Variants in CTCF observed in about 807,000 individuals in gnomAD.
The protein encoded by CTCF is CCCTC-binding factor, also known as transcriptional repressor CTCF.
A neutral mutation model predicts 72.3 loss-of-function variants in CTCF; 7 were observed. That is an observed-to-expected ratio of 0.10 (90% confidence interval 0.06 to 0.18). The LOEUF is 0.18. Among genes scored for constraint, CTCF ranks in the 10% least tolerant of loss-of-function variants. The pLI is 1.00. For synonymous variants in CTCF, 374 were observed against 315.8 expected, an observed-to-expected ratio of 1.18 and a Z score of -1.95; for missense variants, 516 against 949.1, an observed-to-expected ratio of 0.54 and a Z score of 6.00.
chr16:67,629,466 A>AACGAAGAAG lies in CTCF; in HGVS notation c.1772_1780dup (p.Thr591_Lys593dup). ...GCGTAGAGGGGGAAAATGGAGGAGA[A>AACGAAGAAG]ACGAAGAAGAGTAAACGTGGAAGAA... On this transcript the variant is annotated inframe_insertion, in exon 10 of 12. Transcript: ENST00000264010. The AACGAAGAAG allele has an allele frequency of 6.2e-7, 1 of 1,613,554 alleles. No homozygotes were observed. Among genetic ancestry groups the AACGAAGAAG allele is most frequent in the Non-Finnish European group, 8.5e-7 (1 of 1,179,814 alleles).
At chr16:67,611,718 C>A in intron 3 of CTCF, 105 bp downstream of exon 3, 1 of 1,162,586 alleles carries the variant, frequency 8.6e-7, no homozygotes, top group Admixed American at 2.6e-5. Flanking sequence ...TGTAAAAGGT[C>A]GTTATGTGGG....
Position 67,611,294 on chromosome 16 carries a change from A to T in CTCF, c.462A>T (p.Ile154=). ...GCCTTGCGGAAAGTGAACCCATGAT[A>T]TGCCACACCCTACCTTTGCCTGAAG... ...KEGLAESEPM[I]CHTLPLPEGF... The change falls in exon 3 of 12, where the codon ATA becomes ATT. Residue 154 remains isoleucine (I), a synonymous_variant. Coordinates refer to ENST00000264010, the MANE Select transcript of CTCF (RefSeq NM_006565.4). 1 of 1,614,150 alleles carries T rather than the reference A, an allele frequency of 6.2e-7. No homozygotes were observed.
chr16:67,562,906 GC>G (rs1325505246), intron 1 of CTCF, among the ~76,000 whole-genome samples, 182 bp downstream of exon 1: 9 of 60,434 alleles, frequency 1.5e-4, no homozygotes, highest in East Asian at 9.0e-4. Flanking sequence ...TGGCCCGGCC[GC>G]CCCCCCCACC....
chr16:67,609,934 T>G (rs2142820279), intron 2 of CTCF, among the ~76,000 whole-genome samples: 1 of 152,224 alleles, frequency 6.6e-6, no homozygotes, highest in East Asian at 1.9e-4. Flanking sequence ...CCTGGCCTGA[T>G]AATTCTTTGT....
intron 2 of CTCF, among the ~76,000 whole-genome samples, chr16:67,602,861 AG>A (rs1275165861): frequency 1.7e-4 from 26 of 150,458 alleles, no homozygotes; most frequent in Admixed American, 7.3e-4. Context: ...AAAAAAAAAA[AG>A]AGAAGAAAAT....
intron 2 of CTCF, among the ~76,000 whole-genome samples, chr16:67,590,955 T>A (rs1480057221): frequency 4.6e-5 from 5 of 109,550 alleles, no homozygotes; most frequent in Non-Finnish European, 7.1e-5. Context: ...AGTGAGACTC[T>A]GTCTCAAAAA....
chr16:67,592,665 A>C (rs983623595), intron 2 of CTCF, among the ~76,000 whole-genome samples: 2 of 152,198 alleles, frequency 1.3e-5, no homozygotes, highest in African/African-American at 2.4e-5. Flanking sequence ...AGATCGTGCC[A>C]CTGCACTGCA....
rs1258036225 is a variant in CTCF at position 67,634,149 on chromosome 16, C to T, written c.1838-2541C>T. On this transcript the variant is annotated intron_variant, in intron 10 of 11. Transcript: ENST00000264010. ...TTTTTGGAACCTCACACCCTGCTCC[C>T]CTAAAAGCATTTTTAAATGGGCTTT... Among the ~76,000 whole-genome samples, 5 of 152,190 alleles carry T rather than the reference C, an allele frequency of 3.3e-5. No homozygotes were observed. The East Asian group carries it at 9.6e-4, about 29-fold the overall frequency.
intron 1 of CTCF, among the ~76,000 whole-genome samples, chr16:67,565,247 C>T (rs149538057): frequency 2.0e-5 from 3 of 152,254 alleles, no homozygotes; most frequent in African/African-American, 4.8e-5. Context: ...GGTGATCCAC[C>T]CGCCTCAGCC....
intron 7 of CTCF, among the ~76,000 whole-genome samples, chr16:67,623,931 C>T (rs1038461515): frequency 4.0e-5 from 6 of 151,372 alleles, no homozygotes; most frequent in African/African-American, 1.5e-4. Flanking sequence ...GCCTGTAGTC[C>T]CAGGTACTTG....
At chr16:67,598,462 A>G (rs932561520) in intron 2 of CTCF, among the ~76,000 whole-genome samples, 3 of 152,234 alleles carry the variant, frequency 2.0e-5, no homozygotes, top group Non-Finnish European at 2.9e-5. Context: ...GGAAAGACAG[A>G]TAATAAGTGA....
intron 2 of CTCF, among the ~76,000 whole-genome samples, chr16:67,608,882 C>T (rs939439867): frequency 2.0e-5 from 3 of 152,152 alleles, no homozygotes; most frequent in African/African-American, 4.8e-5. Flanking sequence ...GGATTACATA[C>T]AGGCATGCAC....
intron 2 of CTCF, among the ~76,000 whole-genome samples, chr16:67,609,816 G>C (rs1021216449): frequency 2.0e-5 from 3 of 151,872 alleles, no homozygotes; most frequent in Non-Finnish European, 2.9e-5. Context: ...AGTAGAGACG[G>C]GGTTTCACCG....
intron 7 of CTCF, among the ~76,000 whole-genome samples, chr16:67,625,963 A>T (rs971095755): frequency 6.6e-6 from 1 of 151,984 alleles, no homozygotes; most frequent in Non-Finnish European, 1.5e-5. Flanking sequence ...AATCCTGTTG[A>T]TTCAACTGCT....
chr16:67,604,932 C>T (rs1167643870), intron 2 of CTCF, among the ~76,000 whole-genome samples: 1 of 127,644 alleles, frequency 7.8e-6, no homozygotes, highest in Admixed American at 7.8e-5. Context: ...TAGGATTATG[C>T]TTAGTCTTTT....
At chr16:67,609,916 G>A (rs2052037083) in intron 2 of CTCF, among the ~76,000 whole-genome samples, 1 of 152,082 alleles carries the variant, frequency 6.6e-6, no homozygotes, top group Non-Finnish European at 1.5e-5. Context: ...GTGAGCCACC[G>A]TGCCCGGCCT....
At chr16:67,627,977 C>G (rs150916526) in intron 8 of CTCF, 1,686 of 154,508 alleles carry the variant, frequency 0.011, 48 homozygotes, top group African/African-American at 0.041. Flanking sequence ...CACCTGTAAT[C>G]GCAGCTACTC....
At chr16:67,624,107 G>GTGTA (rs1386403527) in intron 7 of CTCF, among the ~76,000 whole-genome samples, 3 of 138,704 alleles carry the variant, frequency 2.2e-5, no homozygotes, top group Non-Finnish European at 3.1e-5. Context: ...GTGTGTGTGT[G>GTGTA]TGTGTGTGTA....
In CTCF at chr16:67,607,855, TA is replaced by T. The variant is rs2051997535; in HGVS notation, c.-9-2964del. 2.7e-5 allele frequency among the ~76,000 whole-genome samples: 4 copies of T among 149,470 alleles called. No individual in the cohort carries two copies. In the South Asian group the frequency reaches 8.5e-4, roughly 32 times the overall value. ...CAACATAGTGAAACCCCGTATCTGCTAAAAATACAGAAAATTAGCCAGGTGT... is the reference window on the plus strand; with the variant it reads ...CAACATAGTGAAACCCCGTATCTGCTAAAATACAGAAAATTAGCCAGGTGT... On this transcript the variant is annotated intron_variant, in intron 2 of 11. Coordinates refer to ENST00000264010, the MANE Select transcript of CTCF (RefSeq NM_006565.4).
Sources: gnomAD v4.1 joint callset for allele counts (sites outside exome capture counted in the v4.1 genomes callset) on GRCh38, gnomAD v4.1.1 for gene constraint, MANE v1.5 for transcripts, NCBI Gene and HGNC (gene_info 2026-07-23, HGNC 2026-07-21) for gene names.